Variants in SHISA6 observed in about 807,000 individuals in gnomAD.
The protein encoded by SHISA6 is shisa family member 6, also known as protein shisa-6.
Under a neutral mutation model 47.9 loss-of-function variants are expected in SHISA6, and 22 were observed. The observed-to-expected ratio is 0.46, with a 90% CI of 0.33 to 0.66. The LOEUF is 0.66. SHISA6 is among the 30% of genes least tolerant of loss of function. The pLI is 0.02. For missense variants in SHISA6, 680 were observed against 764.6 expected, an observed-to-expected ratio of 0.89 and a Z score of 1.30; for synonymous variants, 388 against 337.8, an observed-to-expected ratio of 1.15 and a Z score of -1.63.
chr17:11,375,140 T>A (rs1028619667), intron 2 of SHISA6, among the ~76,000 whole-genome samples: 16 of 152,228 alleles, frequency 1.1e-4, no homozygotes, highest in African/African-American at 3.9e-4. Context: ...TTTTAATGCA[T>A]AATCTGGTAC....
chr17:11,539,108 A>AT (rs1259081704), intron 3 of SHISA6, among the ~76,000 whole-genome samples: 1 of 152,018 alleles, frequency 6.6e-6, no homozygotes, highest in Admixed American at 6.6e-5. Flanking sequence ...TGCCCGGCTA[A>AT]TTTTTTTACT....
At chr17:11,551,799 G>C (rs2071933995) in intron 3 of SHISA6, 97 bp from the exon 4 acceptor site, 2 of 1,082,880 alleles carry the variant, frequency 1.8e-6, no homozygotes, top group Admixed American at 2.0e-5. Flanking sequence ...CTTTAAGTCA[G>C]AGAAGCACAT....
At position 11,548,440 on chromosome 17, in the gene SHISA6, C is replaced by CATATATATAT. The variant is rs10578711; in HGVS notation, c.896-3446_896-3437dup. Among the ~76,000 whole-genome samples, 1,414 of 148,612 alleles carry CATATATATAT rather than the reference C, an allele frequency of 9.5e-3. 8 individuals are homozygous for CATATATATAT. The highest frequency in any genetic ancestry group is 0.014 in the Non-Finnish European group (954 of 67,158). On this transcript the variant is annotated intron_variant, in intron 3 of 5. Transcript: ENST00000441885. ...AAATGTTATTTATGAATGCATATTTCATATATATATATATATATACATATA... is the reference window on the plus strand; with the variant it reads ...AAATGTTATTTATGAATGCATATTTCATATATATATATATATATATATATATATACATATA...
intron 3 of SHISA6, among the ~76,000 whole-genome samples, chr17:11,525,662 A>C (rs1348458150): frequency 1.4e-5 from 2 of 147,314 alleles, no homozygotes; most frequent in Non-Finnish European, 1.5e-5. Flanking sequence ...CAAAAAAAAA[A>C]AAACGTGTTA....
intron 2 of SHISA6, among the ~76,000 whole-genome samples, chr17:11,266,926 G>A (rs1908445931): frequency 6.6e-6 from 1 of 152,170 alleles, no homozygotes; most frequent in Non-Finnish European, 1.5e-5. Flanking sequence ...GTTGGTTTGG[G>A]ATGTGGGTTG....
intron 3 of SHISA6, among the ~76,000 whole-genome samples, chr17:11,388,774 C>G (rs1187080656): frequency 3.7e-5 from 4 of 108,344 alleles, no homozygotes; most frequent in Non-Finnish European, 5.4e-5. Context: ...AACAGAACTA[C>G]TGTTCAAACA....
Position 11,533,827 on chromosome 17 carries a change from C to T in SHISA6, c.896-18069C>T, listed in dbSNP as rs1380166494. On this transcript the variant is annotated intron_variant, in intron 3 of 5. Transcript: ENST00000441885. Reference sequence around the variant, plus strand: ...CAGGATGATCTCGATCTACTGACCTCGTGATCCACCTACCTCGCCTCCCAA... The same window carrying T: ...CAGGATGATCTCGATCTACTGACCTTGTGATCCACCTACCTCGCCTCCCAA... Among the ~76,000 whole-genome samples, 3 of 152,000 alleles carry T rather than the reference C, an allele frequency of 2.0e-5. No homozygotes were observed. The East Asian group carries it at 5.8e-4, about 29-fold the overall frequency.
intron 2 of SHISA6, chr17:11,289,060 GTTA>G (rs1464036633): frequency 2.0e-5 from 3 of 151,904 alleles, no homozygotes; most frequent in Non-Finnish European, 2.9e-5. Context: ...AAATGTTTTT[GTTA>G]TTATTATATT....
chr17:11,510,053 C>A (rs1373545925), intron 3 of SHISA6, among the ~76,000 whole-genome samples: 3 of 151,876 alleles, frequency 2.0e-5, no homozygotes, highest in African/African-American at 7.3e-5. Flanking sequence ...TTCCTGCCTG[C>A]AGCTTTGCAC....
intron 2 of SHISA6, among the ~76,000 whole-genome samples, chr17:11,324,547 G>T (rs2142199000): frequency 6.6e-6 from 1 of 152,204 alleles, no homozygotes; most frequent in East Asian, 1.9e-4. Context: ...ATCTGTAAAT[G>T]GACCTTGGGT....
intron 3 of SHISA6, among the ~76,000 whole-genome samples, chr17:11,488,428 C>T (rs17773518): frequency 0.1 from 15,290 of 152,178 alleles, 976 homozygotes; most frequent in Non-Finnish European, 0.14. Context: ...TGCTGTTTCA[C>T]TATTCTGCCT....
intron 3 of SHISA6, among the ~76,000 whole-genome samples, chr17:11,503,898 T>C (rs1375669633): frequency 6.6e-6 from 1 of 152,244 alleles, no homozygotes; most frequent in Non-Finnish European, 1.5e-5. Context: ...AGTGTGTTAA[T>C]GTGTATGCTC....
At chr17:11,524,334 A>G (rs1326315778) in intron 3 of SHISA6, among the ~76,000 whole-genome samples, 1 of 152,112 alleles carries the variant, frequency 6.6e-6, no homozygotes, top group Non-Finnish European at 1.5e-5. Context: ...ATAGGTTAAT[A>G]TGGTCCATAA....
At chr17:11,475,587 G>T (rs1220723304) in intron 3 of SHISA6, among the ~76,000 whole-genome samples, 2 of 151,986 alleles carry the variant, frequency 1.3e-5, no homozygotes, top group Non-Finnish European at 2.9e-5. Flanking sequence ...TAGTTAATTG[G>T]TTTTTTAAAG....
intron 3 of SHISA6, among the ~76,000 whole-genome samples, chr17:11,383,418 C>T (rs111234318): frequency 2.6e-5 from 4 of 152,276 alleles, no homozygotes; most frequent in Admixed American, 1.3e-4. Flanking sequence ...CTGCAATAAA[C>T]GCGTATTCTT....
intron 3 of SHISA6, among the ~76,000 whole-genome samples, chr17:11,402,278 C>T (rs1036030472): frequency 6.6e-6 from 1 of 152,202 alleles, no homozygotes; most frequent in Non-Finnish European, 1.5e-5. Context: ...ACCAACCTGC[C>T]ATAGTCAGAG....
intron 3 of SHISA6, among the ~76,000 whole-genome samples, chr17:11,465,055 A>G (rs1915776205): frequency 1.3e-5 from 2 of 152,190 alleles, no homozygotes; most frequent in Non-Finnish European, 2.9e-5. Flanking sequence ...TACTTACCAA[A>G]AGATTAAACT....
intron 3 of SHISA6, among the ~76,000 whole-genome samples, chr17:11,449,945 C>T (rs958098129): frequency 1.3e-5 from 2 of 152,200 alleles, no homozygotes; most frequent in Admixed American, 6.5e-5. Context: ...AGTGCAGTGG[C>T]GCGATCTCAG....
intron 3 of SHISA6, among the ~76,000 whole-genome samples, chr17:11,412,225 A>T (rs1887453508): frequency 6.6e-6 from 1 of 152,234 alleles, no homozygotes; most frequent in Admixed American, 6.5e-5. Context: ...TGAAGAAAAT[A>T]ATACCAACTA....
Sources: gnomAD v4.1 joint callset for allele counts (sites outside exome capture counted in the v4.1 genomes callset) on GRCh38, gnomAD v4.1.1 for gene constraint, MANE v1.5 for transcripts, NCBI Gene and HGNC (gene_info 2026-07-23, HGNC 2026-07-21) for gene names.